LRRC26: variants seen among roughly 807,000 people sequenced by gnomAD.
The protein encoded by LRRC26 is leucine rich repeat containing 26, also known as leucine-rich repeat-containing protein 26.
LRRC26 carries 17 observed loss-of-function variants against 15.3 expected under a neutral mutation model. That is an observed-to-expected ratio of 1.11 (90% CI 0.76 to 1.66). LRRC26 has a LOEUF of 1.66. Ranked by LOEUF, LRRC26 falls within the 40% of genes most tolerant of loss-of-function variation. The pLI is 0.00. For missense variants in LRRC26, 573 were observed against 501.0 expected (o/e 1.14, Z -1.37); for synonymous variants, 301 against 272.1 (o/e 1.11, Z -1.05).
Position 137,170,019 on chromosome 9 carries a change from G to A in LRRC26, c.-76C>T. The stretch of plus-strand genomic sequence containing the variant: ...TGCGTCCCTGGAGCCCGTCGTCCGC[G>A]GAGCCCGTTCCTGCGGCGCCTGCAC... On this transcript the variant is annotated 5_prime_UTR_variant, in exon 1 of 2. Transcript: ENST00000371542. 1 of 1,351,302 alleles carries A rather than the reference G, an allele frequency of 7.4e-7. No individual in the cohort carries two copies. The highest frequency in any genetic ancestry group is 9.5e-7 in the Non-Finnish European group (1 of 1,058,062). The allele number at this position is 1,351,302 out of a possible 1,614,324, so 83.7% of individuals were successfully genotyped here.
rs1834010583 is a variant in LRRC26 at position 137,168,773 on chromosome 9, G to T, written c.*81C>A. The T allele has an allele frequency of 3.8e-6, 4 of 1,061,184 alleles. No homozygotes were observed. Among genetic ancestry groups the T allele is most frequent in the East Asian group, 7.0e-5 (2 of 28,394 alleles). The allele number at this position is 1,061,184 out of a possible 1,614,324, so 65.7% of individuals were successfully genotyped here. ...TGTCACGCAGTTTTCGGTCTGTGTC[G>T]CTTGTTGACGCCGGCAGACAGTGTA... On this transcript the variant is annotated 3_prime_UTR_variant, in exon 2 of 2. Coordinates refer to ENST00000371542, the MANE Select transcript of LRRC26 (RefSeq NM_001013653.3).
In LRRC26 at chr9:137,168,799, A is replaced by G; in HGVS notation, c.*55T>C. The G allele has an allele frequency of 8.5e-7, 1 of 1,182,822 alleles. No individual in the cohort carries two copies. Among genetic ancestry groups the G allele is most frequent in the Non-Finnish European group, 1.1e-6 (1 of 947,822 alleles). 73.3% of individuals were successfully genotyped at this position (1,182,822 alleles called of 1,614,324 possible). A position where few individuals can be genotyped will look rare whatever the true frequency, so the allele number is the denominator to read the frequency against. On this transcript the variant is annotated 3_prime_UTR_variant, in exon 2 of 2. Transcript: ENST00000371542. ...CTTGTTGACGCCGGCAGACAGTGTA[A>G]AGGGAGGGCAAAGGCATGGGGGAAG...
In LRRC26 at chr9:137,169,052, C is replaced by T; in HGVS notation, c.807G>A (p.Gly269=). 1 of 1,546,706 alleles carries T rather than the reference C, an allele frequency of 6.5e-7. No individual in the cohort carries two copies. ...CCAGGCTGACGAGGAAGGAGGCCGG[C>T]CCGAGCGTGTAAACCACGGCCAGGT... is the stretch of plus-strand genomic sequence containing the variant. ...LRDLAVVYTL[G]PASFLVSLAS... Residue 269 remains glycine, a synonymous_variant, in exon 2 of 2, where the codon GGG becomes GGA. Transcript: ENST00000371542.
Position 137,169,820 on chromosome 9 carries a change from C to A in LRRC26, c.124G>T (p.Asp42Tyr). The A allele has an allele frequency of 7.0e-7, 1 of 1,436,190 alleles. No individual in the cohort carries two copies. Among genetic ancestry groups the A allele is most frequent in the Non-Finnish European group, 9.0e-7 (1 of 1,107,196 alleles). The allele number at this position is 1,436,190 out of a possible 1,614,324, so 89.0% of individuals were successfully genotyped here. A position where few individuals can be genotyped will look rare whatever the true frequency, so the allele number is the denominator to read the frequency against. The change falls in exon 1 of 2, where the codon GAC becomes TAC. Residue 42 changes from aspartate to tyrosine, a missense_variant. Coordinates refer to ENST00000371542, the MANE Select transcript of LRRC26 (RefSeq NM_001013653.3). ...ASPSGSLGAPDCPEVCTCVPG... is the reference protein window; with the variant it reads ...ASPSGSLGAPYCPEVCTCVPG... Reference sequence around the variant, plus strand: ...ACGCACGTGCACACCTCGGGGCAGTCCGGGGCGCCCAGGGACCCCGAGGGC... The same window carrying A: ...ACGCACGTGCACACCTCGGGGCAGTACGGGGCGCCCAGGGACCCCGAGGGC...
At position 137,168,999 on chromosome 9, in the gene LRRC26, A is replaced by G; in HGVS notation, c.860T>C (p.Leu287Pro). 6.8e-7 allele frequency: 1 copy of G among 1,466,450 alleles called. No individual in the cohort carries two copies. The highest frequency in any genetic ancestry group is 1.3e-5 in the South Asian group (1 of 75,884). 90.8% of individuals were successfully genotyped at this position (1,466,450 alleles called of 1,614,324 possible). ...GCGGCGGCGCGCACGGCAGGCGGTG[A>G]GCCCAGAGCCCAGCGCCAGGCAGGA... ...LASCLALGSG[L>P]TACRARRRRL... Residue 287 changes from leucine (L) to proline (P), a missense_variant, in exon 2 of 2, where the codon CTC becomes CCC. Transcript: ENST00000371542.
In LRRC26 at chr9:137,169,538, G is replaced by C; in HGVS notation, c.406C>G (p.Pro136Ala). ...GCGCGCAGCGGCGCGAAAGTCCCTG[G>C]TGCCAGTGCTTCCAGCTGGTTGGCG... ...LSANQLEALA[P>A]GTFAPLRALR... The change falls in exon 1 of 2, where the codon CCA becomes GCA. Residue 136 changes from proline to alanine, a missense_variant. Pro to Ala is a conservative substitution (Grantham distance 27). Transcript: ENST00000371542. 1 of 1,524,736 alleles carries C rather than the reference G, an allele frequency of 6.6e-7. No individual in the cohort carries two copies. Among genetic ancestry groups the C allele is most frequent in the Non-Finnish European group, 8.8e-7 (1 of 1,142,530 alleles). 94.5% of individuals were successfully genotyped at this position (1,524,736 alleles called of 1,614,324 possible). A position where few individuals can be genotyped will look rare whatever the true frequency, so the allele number is the denominator to read the frequency against.
rs867531197 is a variant in LRRC26 at position 137,169,114 on chromosome 9, C to T, written c.745G>A (p.Ala249Thr). The change falls in exon 2 of 2, where the codon GCC becomes ACC. Residue 249 changes from alanine to threonine, a missense_variant. Ala to Thr is a moderately conservative substitution (Grantham distance 58, BLOSUM62 0). Transcript: ENST00000371542. ...AGCGGCTGCGCGCAATGGCTAAAGGCGGCGTCGGAAAAGGCAGTCAGGGGG... is the reference window on the plus strand; with the variant it reads ...AGCGGCTGCGCGCAATGGCTAAAGGTGGCGTCGGAAAAGGCAGTCAGGGGG... ...LSPLTAFSDA[A>T]FSHCAQPLAL... The T allele has an allele frequency of 6.4e-6, 10 of 1,560,838 alleles. No homozygotes were observed. Among genetic ancestry groups the T allele is most frequent in the Non-Finnish European group, 7.8e-6 (9 of 1,160,016 alleles).
Position 137,169,435 on chromosome 9 carries a change from C to A in LRRC26, c.509G>T (p.Arg170Leu). ...CTCGTTGTCCTGCAGGCTGAGTGAG[C>A]GCAGCAGCGGGAGCGCGCCTAGCGC... ...PAALGALPLLRSLSLQDNELA... is the reference protein window; with the variant it reads ...PAALGALPLLLSLSLQDNELA... Residue 170 changes from arginine to leucine, a missense_variant, in exon 1 of 2, where the codon CGC (arginine) becomes CTC (leucine). Coordinates refer to ENST00000371542, the MANE Select transcript of LRRC26 (RefSeq NM_001013653.3). The A allele has an allele frequency of 2.0e-6, 3 of 1,517,438 alleles. No individual in the cohort carries two copies. The highest frequency in any genetic ancestry group is 1.8e-6 in the Non-Finnish European group (2 of 1,141,858). The allele number at this position is 1,517,438 out of a possible 1,614,324, so 94.0% of individuals were successfully genotyped here. A position where few individuals can be genotyped will look rare whatever the true frequency, so the allele number is the denominator to read the frequency against.
In LRRC26 at chr9:137,169,362, G is replaced by C. The variant is rs1264317726; in HGVS notation, c.582C>G (p.Asp194Glu). 5 of 1,480,402 alleles carry C rather than the reference G, an allele frequency of 3.4e-6. No individual in the cohort carries two copies. The highest frequency in any genetic ancestry group is 2.7e-6 in the Non-Finnish European group (3 of 1,124,610). The allele number at this position is 1,480,402 out of a possible 1,614,324, so 91.7% of individuals were successfully genotyped here. ...AAGGGTTGCCGCGCAGGTGCAGCGC[G>C]TCTAGAGCGGGCAGGCGGCCCAGCA... is the stretch of plus-strand genomic sequence containing the variant. Reference protein sequence around the residue: ...PGLLGRLPALDALHLRGNPWG... With the variant: ...PGLLGRLPALEALHLRGNPWG... Residue 194 changes from aspartate (D) to glutamate (E), a missense_variant, in exon 1 of 2, where the codon GAC becomes GAG. Transcript: ENST00000371542.
At position 137,169,410 on chromosome 9, in the gene LRRC26, C is replaced by G; in HGVS notation, c.534G>C (p.Glu178Asp). The G allele has an allele frequency of 1.3e-6, 2 of 1,508,830 alleles. No individual in the cohort carries two copies. The highest frequency in any genetic ancestry group is 2.7e-5 in the East Asian group (1 of 36,832). The allele number at this position is 1,508,830 out of a possible 1,614,324, so 93.5% of individuals were successfully genotyped here. Residue 178 changes from glutamate (E) to aspartate (D), a missense_variant, in exon 1 of 2, where the codon GAG becomes GAC. Coordinates refer to ENST00000371542, the MANE Select transcript of LRRC26 (RefSeq NM_001013653.3). Reference sequence around the variant, plus strand: ...GCAGCCCCGGCGCGAGTGCCGCCAGCTCGTTGTCCTGCAGGCTGAGTGAGC... The same window carrying G: ...GCAGCCCCGGCGCGAGTGCCGCCAGGTCGTTGTCCTGCAGGCTGAGTGAGC... The part of the protein sequence containing the change: ...LLRSLSLQDN[E>D]LAALAPGLLG...
chr9:137,169,243 A>AC (rs779267635), intron 1 of LRRC26, 28 bp downstream of exon 1: 19 of 1,375,340 alleles, frequency 1.4e-5, no homozygotes, highest in African/African-American at 1.5e-5. Context: ...CGCCCTGCAG[A>AC]CCCCGACCCG....
chr9:137,169,548 T>C lies in LRRC26; in HGVS notation c.396A>G (p.Glu132=). The part of the protein sequence containing the change: ...QLLDLSANQL[E]ALAPGTFAPL... Reference sequence around the variant, plus strand: ...GCGCGAAAGTCCCTGGTGCCAGTGCTTCCAGCTGGTTGGCGCTCAGGTCCA... The same window carrying C: ...GCGCGAAAGTCCCTGGTGCCAGTGCCTCCAGCTGGTTGGCGCTCAGGTCCA... Residue 132 remains glutamate, a synonymous_variant, in exon 1 of 2, where the codon GAA becomes GAG. Coordinates refer to ENST00000371542, the MANE Select transcript of LRRC26 (RefSeq NM_001013653.3). 6.6e-7 allele frequency: 1 copy of C among 1,524,832 alleles called. No homozygotes were observed. The highest frequency in any genetic ancestry group is 8.8e-7 in the Non-Finnish European group (1 of 1,142,364). 94.5% of individuals were successfully genotyped at this position (1,524,832 alleles called of 1,614,324 possible).
chr9:137,169,217 G>A (rs1009995734), intron 1 of LRRC26, 32 bp from the exon 2 acceptor site: 1 of 1,398,654 alleles, frequency 7.1e-7, no homozygotes, highest in Non-Finnish European at 9.2e-7. Context: ...GCGGCGTCAG[G>A]TGGCGGCTGC....
Position 137,168,916 on chromosome 9 carries a change from C to G in LRRC26, c.943G>C (p.Asp315His). ...GCGGGCGAGGCACAGCCGTGGGGGT[C>G]GGGATCGGGGTTCGGGTCTGGCGGT... The part of the protein sequence containing the change: ...PRPPDPNPDP[D>H]PHGCASPADP... The change falls in exon 2 of 2, where the codon GAC becomes CAC. Residue 315 changes from aspartate (D) to histidine (H), a missense_variant. By Grantham distance (81) the Asp-to-His change is moderately conservative. Transcript: ENST00000371542. 3 of 1,332,024 alleles carry G rather than the reference C, an allele frequency of 2.3e-6. 1 individual carries two copies. The highest frequency in any genetic ancestry group is 2.9e-6 in the Non-Finnish European group (3 of 1,048,172). 82.5% of individuals were successfully genotyped at this position (1,332,024 alleles called of 1,614,324 possible). A position where few individuals can be genotyped will look rare whatever the true frequency, so the allele number is the denominator to read the frequency against.
rs756630007 is a variant in LRRC26 at position 137,169,771 on chromosome 9, G to A, written c.173C>T (p.Ser58Leu). Residue 58 changes from serine to leucine, a missense_variant, in exon 1 of 2, where the codon TCG (serine) becomes TTG (leucine). Ser to Leu is a moderately radical substitution (Grantham distance 145). Transcript: ENST00000371542. ...TCVPGGLASC[S>L]ALSLPAVPPG... ...GGGCACGGCGGGCAGCGAGAGTGCCGAGCAGCTGGCCAGGCCTCCCGGCAC... is the reference window on the plus strand; with the variant it reads ...GGGCACGGCGGGCAGCGAGAGTGCCAAGCAGCTGGCCAGGCCTCCCGGCAC... The A allele has an allele frequency of 2.9e-6, 4 of 1,392,094 alleles. No individual in the cohort carries two copies. The highest frequency in any genetic ancestry group is 1.6e-5 in the South Asian group (1 of 61,932). 86.2% of individuals were successfully genotyped at this position (1,392,094 alleles called of 1,614,324 possible). A position where few individuals can be genotyped will look rare whatever the true frequency, so the allele number is the denominator to read the frequency against.
chr9:137,169,376 G>A lies in LRRC26; in HGVS notation c.568C>T (p.Leu190=), dbSNP rs755779661. The change falls in exon 1 of 2, where the codon CTG becomes TTG. Residue 190 remains leucine (L), a synonymous_variant. Transcript: ENST00000371542. ...AGGTGCAGCGCGTCTAGAGCGGGCA[G>A]GCGGCCCAGCAGCCCCGGCGCGAGT... is the stretch of plus-strand genomic sequence containing the variant. ...AALAPGLLGR[L]PALDALHLRG... 1.9e-5 allele frequency: 29 copies of A among 1,487,224 alleles called. No homozygotes were observed. In the South Asian group the frequency reaches 3.4e-4, roughly 18 times the overall value. 92.1% of individuals were successfully genotyped at this position (1,487,224 alleles called of 1,614,324 possible). A position where few individuals can be genotyped will look rare whatever the true frequency, so the allele number is the denominator to read the frequency against.
Position 137,168,925 on chromosome 9 carries a change from G to C in LRRC26, c.934C>G (p.Pro312Ala). 1.5e-6 allele frequency: 2 copies of C among 1,363,678 alleles called. No homozygotes were observed. Among genetic ancestry groups the C allele is most frequent in the Non-Finnish European group, 1.9e-6 (2 of 1,065,676 alleles). The allele number at this position is 1,363,678 out of a possible 1,614,324, so 84.5% of individuals were successfully genotyped here. ...LRPPRPPDPN[P>A]DPDPHGCASP... ...GCACAGCCGTGGGGGTCGGGATCGG[G>C]GTTCGGGTCTGGCGGTCTCGGCGGG... Residue 312 changes from proline (P) to alanine (A), a missense_variant, in exon 2 of 2, where the codon CCC becomes GCC. Coordinates refer to ENST00000371542, the MANE Select transcript of LRRC26 (RefSeq NM_001013653.3).
Position 137,169,775 on chromosome 9 carries a change from A to C in LRRC26, c.169T>G (p.Cys57Gly). ...CTCVPGGLAS[C>G]SALSLPAVPP... ...ACGGCGGGCAGCGAGAGTGCCGAGC[A>C]GCTGGCCAGGCCTCCCGGCACGCAC... Residue 57 changes from cysteine to glycine, a missense_variant, in exon 1 of 2, where the codon TGC becomes GGC. Transcript: ENST00000371542. The C allele has an allele frequency of 7.2e-7, 1 of 1,391,530 alleles. No individual in the cohort carries two copies. Among genetic ancestry groups the C allele is most frequent in the Non-Finnish European group, 9.2e-7 (1 of 1,083,986 alleles). 86.2% of individuals were successfully genotyped at this position (1,391,530 alleles called of 1,614,324 possible).
chr9:137,169,713 C>A lies in LRRC26; in HGVS notation c.231G>T (p.Leu77=). Reference sequence around the variant, plus strand: ...GCGCACGGACGCGGTTGTGGTCCAGCAGCAGCGCGCGCAGGCGCAGGCTCA... The same window carrying A: ...GCGCACGGACGCGGTTGTGGTCCAGAAGCAGCGCGCGCAGGCGCAGGCTCA... ...PGLSLRLRAL[L]LDHNRVRALP... Residue 77 remains leucine, a synonymous_variant, in exon 1 of 2, where the codon CTG becomes CTT. Transcript: ENST00000371542. 4 of 1,469,288 alleles carry A rather than the reference C, an allele frequency of 2.7e-6. No individual in the cohort carries two copies. The highest frequency in any genetic ancestry group is 1.3e-5 in the South Asian group (1 of 75,566). The allele number at this position is 1,469,288 out of a possible 1,614,324, so 91.0% of individuals were successfully genotyped here. A position where few individuals can be genotyped will look rare whatever the true frequency, so the allele number is the denominator to read the frequency against.
Sources: allele counts gnomAD v4.1 joint callset, GRCh38; gene constraint gnomAD v4.1.1; transcripts MANE v1.5; gene names NCBI Gene and HGNC (gene_info 2026-07-23, HGNC 2026-07-21).